NCR1: variants seen among roughly 807,000 people sequenced by gnomAD.
The protein encoded by NCR1 is natural cytotoxicity triggering receptor 1.
Under a neutral mutation model 32.5 loss-of-function variants are expected in NCR1, and 30 were observed. The observed-to-expected ratio is 0.92, with a 90% CI of 0.69 to 1.25. NCR1 has a LOEUF of 1.25. Ranked by LOEUF, NCR1 falls within the 50% of genes most tolerant of loss-of-function variation. NCR1 has a pLI of 0.00. For missense variants in NCR1, 369 were observed against 380.7 expected (o/e 0.97, Z 0.26); for synonymous variants, 169 against 143.4 (o/e 1.18, Z -1.28).
intron 5 of NCR1, 101 bp downstream of exon 5, chr19:54,910,166 G>GCCACCACGCC: frequency 4.2e-6 from 5 of 1,186,296 alleles, no homozygotes; most frequent in Non-Finnish European, 6.2e-6. Flanking sequence ...GCCAGGCGTG[G>GCCACCACGCC]TGGCTCACGC....
the NCR1 span, among the ~76,000 whole-genome samples, chr19:54,899,212 G>T: frequency 6.6e-6 from 1 of 152,164 alleles, no homozygotes; most frequent in East Asian, 1.9e-4. Context: ...TGGAAAAATT[G>T]AAAGTGCCGT....
At chr19:54,901,586 T>C (rs1325009794), upstream of NCR1, among the ~76,000 whole-genome samples, 1 of 152,054 alleles carries the variant, frequency 6.6e-6, no homozygotes, top group Non-Finnish European at 1.5e-5. Flanking sequence ...GGTGGGAGGC[T>C]GAGGCAGGCG....
chr19:54,937,152 G>A, the NCR1 span, among the ~76,000 whole-genome samples: 1 of 148,746 alleles, frequency 6.7e-6, no homozygotes, highest in Non-Finnish European at 1.5e-5. Context: ...CGGGAGGCAG[G>A]GCTTGCAGTG....
At chr19:54,924,008 C>A in the NCR1 span, 1 of 943,888 alleles carries the variant, frequency 1.1e-6, no homozygotes, top group Non-Finnish European at 1.6e-6. Flanking sequence ...TGCTCTGTTG[C>A]CCAGGCTGGG....
At chr19:54,916,257 T>C (rs557963312), downstream of NCR1, 1 of 150,298 alleles carries the variant, frequency 6.7e-6, no homozygotes, top group Non-Finnish European at 1.5e-5. Flanking sequence ...GTGTTAACCA[T>C]AATCGCCATC....
At chr19:54,916,640 C>G (rs2068140185), downstream of NCR1, among the ~76,000 whole-genome samples, 1 of 151,136 alleles carries the variant, frequency 6.6e-6, no homozygotes, top group South Asian at 2.1e-4. Context: ...ATCTTCCTCT[C>G]CTACCACCCC....
intron 5 of NCR1, 116 bp from the exon 6 acceptor site, chr19:54,912,052 A>G: frequency 1.1e-6 from 1 of 872,884 alleles, no homozygotes. Flanking sequence ...TGGGACCCGC[A>G]GGGTGAGGTG....
chr19:54,933,582 G>A, the NCR1 span: 5 of 1,614,068 alleles, frequency 3.1e-6, no homozygotes, highest in African/African-American at 6.7e-5. Flanking sequence ...AAGGTCTGCA[G>A]TTTACAATCA....
At chr19:54,936,413 AG>A in the NCR1 span, 5 of 1,613,986 alleles carry the variant, frequency 3.1e-6, no homozygotes, top group Non-Finnish European at 4.2e-6. Flanking sequence ...ACGCGGTGTC[AG>A]GGGTGACGTT....
the NCR1 span, chr19:54,933,568 C>T: frequency 1.2e-6 from 2 of 1,614,160 alleles, no homozygotes; most frequent in Non-Finnish European, 1.7e-6. Context: ...CAGGGACTTA[C>T]ACCAAGGTCT....
chr19:54,916,757 T>C (rs1211192546), downstream of NCR1, among the ~76,000 whole-genome samples: 1 of 126,564 alleles, frequency 7.9e-6, no homozygotes, highest in Admixed American at 1.1e-4. Context: ...CAGGCTGGAG[T>C]GCAGTGCTGC....
the NCR1 span, among the ~76,000 whole-genome samples, chr19:54,937,557 T>G: frequency 6.6e-6 from 1 of 150,526 alleles, no homozygotes; most frequent in African/African-American, 2.5e-5. Context: ...GTCATTGCAC[T>G]CCAGCGCCTA....
chr19:54,924,044 T>C, the NCR1 span, among the ~76,000 whole-genome samples: 5 of 152,152 alleles, frequency 3.3e-5, no homozygotes, highest in Non-Finnish European at 7.3e-5. Flanking sequence ...CTTGGCTCTC[T>C]GCAACCTCCA....
At chr19:54,933,561 G>A in the NCR1 span, 2 of 1,613,980 alleles carry the variant, frequency 1.2e-6, no homozygotes. Context: ...CACCCAGCAG[G>A]GACTTACACC....
the NCR1 span, among the ~76,000 whole-genome samples, chr19:54,923,120 C>A: frequency 6.6e-6 from 1 of 152,180 alleles, no homozygotes; most frequent in African/African-American, 2.4e-5. Flanking sequence ...TAGATTAGAA[C>A]AGGGCTGGCT....
the NCR1 span, among the ~76,000 whole-genome samples, chr19:54,936,784 G>A: frequency 6.6e-6 from 1 of 152,090 alleles, no homozygotes; most frequent in Non-Finnish European, 1.5e-5. Flanking sequence ...ACATGGAGGG[G>A]CATGCTTGTA....
At chr19:54,908,960 G>A (rs1223182586) in intron 3 of NCR1, among the ~76,000 whole-genome samples, 1 of 149,974 alleles carries the variant, frequency 6.7e-6, no homozygotes, top group East Asian at 2.0e-4. Context: ...GGTTTTAGAC[G>A]GTAAATCTTC....
chr19:54,936,937 G>C, the NCR1 span, among the ~76,000 whole-genome samples: 1 of 151,566 alleles, frequency 6.6e-6, no homozygotes, highest in Non-Finnish European at 1.5e-5. Context: ...AATTCGCCGG[G>C]TGTGGTGGCT....
At chr19:54,924,050 C>A in the NCR1 span, among the ~76,000 whole-genome samples, 1 of 152,172 alleles carries the variant, frequency 6.6e-6, no homozygotes, top group African/African-American at 2.4e-5. Flanking sequence ...TCTCTGCAAC[C>A]TCCAGCTCCC....
Sources: allele counts gnomAD v4.1 joint callset (sites outside exome capture counted in the v4.1 genomes callset), GRCh38; gene constraint gnomAD v4.1.1; transcripts MANE v1.5; gene names NCBI Gene and HGNC (gene_info 2026-07-23, HGNC 2026-07-21).